The following ANKS6 variants were observed in gnomAD, a reference collection of about 807,000 sequenced individuals.
The protein encoded by ANKS6 is ankyrin repeat and SAM domain-containing protein 6.
ANKS6 carries 47 observed loss-of-function variants against 77.9 expected under a neutral mutation model. That is an observed-to-expected ratio of 0.60 (90% confidence interval 0.48 to 0.77). The LOEUF is 0.77. Among genes scored for constraint, ANKS6 ranks in the 30% least tolerant of loss-of-function variants. ANKS6 has a pLI of 0.00. For missense variants in ANKS6, 1,150 were observed against 1,159.1 expected (o/e 0.99, Z 0.11); for synonymous variants, 488 against 501.7 (o/e 0.97, Z 0.37).
chr9:98,793,229 C>T (rs540869625), intron 1 of ANKS6, among the ~76,000 whole-genome samples: 2 of 152,180 alleles, frequency 1.3e-5, no homozygotes, highest in Non-Finnish European at 2.9e-5. Flanking sequence ...TTTGGCAAGC[C>T]GCTTCCAGGC....
chr9:98,775,010 A>C (rs564753037), intron 8 of ANKS6, among the ~76,000 whole-genome samples: 1 of 152,358 alleles, frequency 6.6e-6, no homozygotes, highest in South Asian at 2.1e-4. Context: ...GGGCATGAGC[A>C]GTTGGGGAAG....
chr9:98,756,492 C>T lies in ANKS6; in HGVS notation c.2254G>A (p.Val752Met). Residue 752 changes from valine to methionine, a missense_variant, in exon 12 of 15, where the codon GTG becomes ATG. Coordinates refer to ENST00000353234, the MANE Select transcript of ANKS6 (RefSeq NM_173551.5). ...TGCCGATGGGATGACGAGGAAGACA[C>T]TGAGGACTCTGCAGTGTGCCCTTTG... ...SPKGHTAESS[V>M]SSSSSHRQSK... is the part of the protein sequence containing the mutation. 2 of 1,613,482 alleles carry T rather than the reference C, an allele frequency of 1.2e-6. No homozygotes were observed. Among genetic ancestry groups the T allele is most frequent in the Non-Finnish European group, 1.7e-6 (2 of 1,179,694 alleles).
Position 98,734,743 on chromosome 9 carries a change from A to T in ANKS6, c.*1776T>A, listed in dbSNP as rs1831398017. 1 of 975,704 alleles carries T rather than the reference A, an allele frequency of 1.0e-6. No homozygotes were observed. Among genetic ancestry groups the T allele is most frequent in the Non-Finnish European group, 1.2e-6 (1 of 821,262 alleles). The allele number at this position is 975,704 out of a possible 1,614,324, so 60.4% of individuals were successfully genotyped here. On this transcript the variant is annotated 3_prime_UTR_variant, in exon 15 of 15. Transcript: ENST00000353234. Reference sequence around the variant, plus strand: ...TGCCACCTCCAGGGTGGCCATGAGGATGAAATGACAAAGGTAAAGCTGCCA... The same window carrying T: ...TGCCACCTCCAGGGTGGCCATGAGGTTGAAATGACAAAGGTAAAGCTGCCA...
chr9:98,772,553 G>A (rs1281490620), intron 9 of ANKS6, among the ~76,000 whole-genome samples: 3 of 152,156 alleles, frequency 2.0e-5, no homozygotes, highest in African/African-American at 7.2e-5. Flanking sequence ...TCTACTGTGG[G>A]CACTCCTAAG....
At chr9:98,741,709 G>C (rs185279300) in intron 14 of ANKS6, among the ~76,000 whole-genome samples, 65 of 152,318 alleles carry the variant, frequency 4.3e-4, no homozygotes, top group Non-Finnish European at 7.3e-4. Context: ...GCAGACTCGA[G>C]CACACATTAC....
At position 98,734,775 on chromosome 9, in the gene ANKS6, A is replaced by C. The variant is rs1831400609; in HGVS notation, c.*1744T>G. ...GACAAAGGTAAAGCTGCCAGCACATAGTAGGGGATGAATGAGTGTGTCTCC... is the reference window on the plus strand; with the variant it reads ...GACAAAGGTAAAGCTGCCAGCACATCGTAGGGGATGAATGAGTGTGTCTCC... On this transcript the variant is annotated 3_prime_UTR_variant, in exon 15 of 15. Coordinates refer to ENST00000353234, the MANE Select transcript of ANKS6 (RefSeq NM_173551.5). The C allele has an allele frequency of 1.0e-6, 1 of 984,338 alleles. No individual in the cohort carries two copies. The highest frequency in any genetic ancestry group is 1.7e-5 in the African/African-American group (1 of 57,204). 61.0% of individuals were successfully genotyped at this position (984,338 alleles called of 1,614,324 possible). A position where few individuals can be genotyped will look rare whatever the true frequency, so the allele number is the denominator to read the frequency against.
chr9:98,788,605 G>A (rs1181283019), intron 2 of ANKS6, among the ~76,000 whole-genome samples: 2 of 152,186 alleles, frequency 1.3e-5, no homozygotes, highest in East Asian at 3.8e-4. Flanking sequence ...ACTCTACTGG[G>A]CTGAGTATCT....
intron 5 of ANKS6, 76 bp from the exon 6 acceptor site, chr9:98,780,413 T>C (rs878876466): frequency 6.8e-7 from 1 of 1,465,816 alleles, no homozygotes; most frequent in South Asian, 1.4e-5. Flanking sequence ...AGATGACCCC[T>C]GTTAGACTTA....
At chr9:98,765,987 C>G (rs1280659473) in intron 11 of ANKS6, among the ~76,000 whole-genome samples, 3 of 152,162 alleles carry the variant, frequency 2.0e-5, no homozygotes, top group African/African-American at 7.2e-5. Context: ...ACTGTGGTTT[C>G]TATGAGCCCC....
chr9:98,769,832 G>A (rs779141724), intron 10 of ANKS6, among the ~76,000 whole-genome samples: 1 of 152,150 alleles, frequency 6.6e-6, no homozygotes, highest in Non-Finnish European at 1.5e-5. Flanking sequence ...GAAGGGCTTG[G>A]CACGCTACTT....
At chr9:98,744,863 G>GA (rs35512396) in intron 14 of ANKS6, among the ~76,000 whole-genome samples, 5,346 of 143,510 alleles carry the variant, frequency 0.037, 328 homozygotes, top group African/African-American at 0.13. Context: ...ATTGTTGCTG[G>GA]AAAAAAAAAA....
At chr9:98,789,991 G>T (rs1834802106) in intron 2 of ANKS6, 113 bp downstream of exon 2, 2 of 1,417,528 alleles carry the variant, frequency 1.4e-6, no homozygotes, top group Non-Finnish European at 1.9e-6. Flanking sequence ...TCAGTGGTCT[G>T]CAGGGCTGGA....
Position 98,791,722 on chromosome 9 carries a change from G to C in ANKS6, c.360-1116C>G, listed in dbSNP as rs747125358. On this transcript the variant is annotated intron_variant, in intron 1 of 14. Coordinates refer to ENST00000353234, the MANE Select transcript of ANKS6 (RefSeq NM_173551.5). The surrounding 1 kb of genome is among the most constrained non-coding windows in gnomAD (Gnocchi z 4.3). ...TTCTCGATGCTCAGCCCTCCTTCCC[G>C]GGAGCCAGTTTTGCACCTCATCTAA... 6.6e-6 allele frequency among the ~76,000 whole-genome samples: 1 copy of C among 152,212 alleles called. No individual in the cohort carries two copies. Among genetic ancestry groups the C allele is most frequent in the Admixed American group, 6.5e-5 (1 of 15,302 alleles).
At chr9:98,769,127 GAAAA>G (rs367857301) in intron 10 of ANKS6, among the ~76,000 whole-genome samples, 2 of 103,008 alleles carry the variant, frequency 1.9e-5, no homozygotes, top group African/African-American at 3.9e-5. Flanking sequence ...CTGTCTCAAA[GAAAA>G]AAAAAAAAAA....
intron 11 of ANKS6, among the ~76,000 whole-genome samples, chr9:98,767,737 G>A (rs1350454014): frequency 3.3e-5 from 5 of 152,218 alleles, no homozygotes; most frequent in Admixed American, 1.3e-4. Flanking sequence ...CTGAACCCAG[G>A]CAGGTTGCTC....
chr9:98,767,441 C>T (rs1309612053), intron 11 of ANKS6, among the ~76,000 whole-genome samples: 2 of 152,172 alleles, frequency 1.3e-5, no homozygotes, highest in Non-Finnish European at 2.9e-5. Context: ...GGGCCCCCCA[C>T]CTGTGCCCCT....
intron 12 of ANKS6, 64 bp from the exon 13 acceptor site, chr9:98,751,160 C>T: frequency 1.5e-6 from 2 of 1,291,434 alleles, no homozygotes; most frequent in Non-Finnish European, 2.2e-6. Flanking sequence ...GGTCTTCAAA[C>T]CTTTATAAAG....
Position 98,774,049 on chromosome 9 carries a change from G to A in ANKS6, c.1649C>T (p.Pro550Leu), listed in dbSNP as rs899298265. The A allele has an allele frequency of 3.9e-6, 6 of 1,547,156 alleles. No homozygotes were observed. The highest frequency in any genetic ancestry group is 1.9e-5 in the Admixed American group (1 of 53,080). Reference protein sequence around the residue: ...LRNGAPLTRLPSDKLKAVIPP... With the variant: ...LRNGAPLTRLLSDKLKAVIPP... ...GATGACTGCTTTCAGCTTGTCACTC[G>A]GGAGTCTGGTGAGGGGAGCTCCGTT... Residue 550 changes from proline to leucine, a missense_variant, in exon 9 of 15, where the codon CCG becomes CTG. Coordinates refer to ENST00000353234, the MANE Select transcript of ANKS6 (RefSeq NM_173551.5).
chr9:98,764,242 AT>A (rs1833156829), intron 11 of ANKS6, among the ~76,000 whole-genome samples: 1 of 152,038 alleles, frequency 6.6e-6, no homozygotes, highest in East Asian at 1.9e-4. Context: ...TCTGTATGTA[AT>A]TTCTTTCAAG....
Sources: allele counts gnomAD v4.1 joint callset (sites outside exome capture counted in the v4.1 genomes callset), GRCh38; gene constraint gnomAD v4.1.1; non-coding constraint Gnocchi (gnomAD v3.1); transcripts MANE v1.5; gene names NCBI Gene and HGNC (gene_info 2026-07-23, HGNC 2026-07-21).